Variants in TANC1 observed in about 807,000 individuals in gnomAD.
The protein encoded by TANC1 is tetratricopeptide repeat, ankyrin repeat and coiled-coil containing 1.
Under a neutral mutation model 149.7 loss-of-function variants are expected in TANC1, and 77 were observed. The observed-to-expected ratio is 0.51, with a 90% CI of 0.43 to 0.62. The LOEUF (loss-of-function observed/expected upper bound fraction) is 0.62. TANC1 is among the 20% of genes least tolerant of loss of function. The pLI is 0.00. For missense variants in TANC1, 1,985 were observed against 2,321.8 expected (o/e 0.85, Z 2.98); for synonymous variants, 854 against 925.0 (o/e 0.92, Z 1.39).
chr2:158,980,915 A>G (rs1279035932), intron 1 of TANC1, among the ~76,000 whole-genome samples: 2 of 152,148 alleles, frequency 1.3e-5, no homozygotes, highest in East Asian at 3.8e-4. Context: ...ATGTAGAAAA[A>G]TAATATCTCA....
chr2:159,149,876 G>C (rs1046288154), intron 6 of TANC1: 1 of 167,940 alleles, frequency 6.0e-6, no homozygotes, highest in Admixed American at 5.7e-5. Flanking sequence ...GTCATGCATT[G>C]ATTGAGACTG....
chr2:159,085,315 A>C (rs1196348813), intron 3 of TANC1, among the ~76,000 whole-genome samples: 3 of 152,164 alleles, frequency 2.0e-5, no homozygotes, highest in Non-Finnish European at 4.4e-5. Flanking sequence ...CAGAACGATG[A>C]GCTAAAGAAC....
chr2:159,210,672 T>G (rs1488142645), intron 19 of TANC1, among the ~76,000 whole-genome samples: 1 of 152,074 alleles, frequency 6.6e-6, no homozygotes, highest in African/African-American at 2.4e-5. Context: ...GTTCAAGTGA[T>G]TCTCCTGCCT....
Position 159,219,893 on chromosome 2 carries a change from C to T in TANC1, c.3678+26C>T, listed in dbSNP as rs781449516. 13 of 1,611,162 alleles carry T rather than the reference C, an allele frequency of 8.1e-6. No individual in the cohort carries two copies. In the Admixed American group the frequency reaches 2.2e-4, roughly 27 times the overall value. ...GTGAGTACCAGCAGGTGTTCCCCAC[C>T]TCCACCTGCATTGGAAAGAAACCCC... On this transcript the variant is annotated intron_variant, in intron 22 of 26. Coordinates refer to ENST00000263635, the MANE Select transcript of TANC1 (RefSeq NM_033394.3).
chr2:159,028,032 G>A lies in TANC1; in HGVS notation c.-16+26843G>A, dbSNP rs146011665. On this transcript the variant is annotated intron_variant, in intron 2 of 26. Coordinates refer to ENST00000263635, the MANE Select transcript of TANC1 (RefSeq NM_033394.3). ...CATCTCATCCTTATTTCCTCCCAAAGGCCTCACCTCCACTCCACATATGAA... is the reference window on the plus strand; with the variant it reads ...CATCTCATCCTTATTTCCTCCCAAAAGCCTCACCTCCACTCCACATATGAA... Among the ~76,000 whole-genome samples the A allele has an allele frequency of 7.8e-4, 118 of 152,206 alleles. 2 individuals are homozygous for A. The East Asian group carries it at 0.018, about 23-fold the overall frequency.
chr2:159,155,181 T>C (rs2053290246), intron 7 of TANC1, among the ~76,000 whole-genome samples: 1 of 152,194 alleles, frequency 6.6e-6, no homozygotes, highest in East Asian at 1.9e-4. Flanking sequence ...TTTAAGTGTG[T>C]ATATTAGTTT....
chr2:159,025,212 T>A (rs1392335289), intron 2 of TANC1, among the ~76,000 whole-genome samples: 1 of 148,900 alleles, frequency 6.7e-6, no homozygotes, highest in Non-Finnish European at 1.5e-5. Context: ...TTTCTTTCTT[T>A]CTTTCTTTCT....
chr2:159,046,135 G>A (rs538107098), intron 2 of TANC1, among the ~76,000 whole-genome samples: 1 of 151,784 alleles, frequency 6.6e-6, no homozygotes, highest in South Asian at 2.1e-4. Context: ...GTTTTCGTTT[G>A]GCAGAGAATT....
chr2:159,085,303 T>G (rs918296310), intron 3 of TANC1, among the ~76,000 whole-genome samples: 1 of 152,190 alleles, frequency 6.6e-6, no homozygotes, highest in Admixed American at 6.5e-5. Context: ...CTTCTCAGCC[T>G]GCAGAACGAT....
intron 2 of TANC1, among the ~76,000 whole-genome samples, chr2:159,047,089 T>A (rs1481589497): frequency 6.6e-6 from 1 of 152,026 alleles, no homozygotes; most frequent in Non-Finnish European, 1.5e-5. Flanking sequence ...ACCCCCCAGG[T>A]CTCTCTGAAT....
rs751829347 is a variant in TANC1, at chr2:159,219,187, G to T, written c.3379-51G>T. The T allele has an allele frequency of 3.1e-6, 5 of 1,611,330 alleles. No individual in the cohort carries two copies. The African/African-American group carries it at 6.7e-5, about 22-fold the overall frequency. On this transcript the variant is annotated intron_variant, in intron 20 of 26. Coordinates refer to ENST00000263635, the MANE Select transcript of TANC1 (RefSeq NM_033394.3). ...TGAGAAACCTGCCTGGGTATAGCAG[G>T]TGTGGTGGAAAATGCAGCAGGAGGA...
chr2:159,087,854 T>A (rs2045099115), intron 3 of TANC1, among the ~76,000 whole-genome samples: 1 of 148,936 alleles, frequency 6.7e-6, no homozygotes, highest in Non-Finnish European at 1.5e-5. Flanking sequence ...CACGCTAGGT[T>A]AGGGTGGGTC....
chr2:159,067,355 C>G (rs1247984627), intron 3 of TANC1, among the ~76,000 whole-genome samples: 1 of 152,162 alleles, frequency 6.6e-6, no homozygotes, highest in Non-Finnish European at 1.5e-5. Context: ...TCATCAATGC[C>G]TGGGTGAGCA....
At chr2:159,099,279 C>T (rs1460462988) in intron 4 of TANC1, among the ~76,000 whole-genome samples, 2 of 152,108 alleles carry the variant, frequency 1.3e-5, no homozygotes, top group East Asian at 3.9e-4. Flanking sequence ...TGGGGAAGTT[C>T]CTGGAATGTC....
chr2:159,168,957 A>G (rs2054894363), intron 8 of TANC1, among the ~76,000 whole-genome samples: 2 of 152,194 alleles, frequency 1.3e-5, no homozygotes, highest in Admixed American at 1.3e-4. Flanking sequence ...CATGATTGTC[A>G]GATTTCCTCA....
At chr2:159,045,509 G>T (rs1034599189) in intron 2 of TANC1, among the ~76,000 whole-genome samples, 1 of 152,106 alleles carries the variant, frequency 6.6e-6, no homozygotes, top group African/African-American at 2.4e-5. Flanking sequence ...AAGATCCGAA[G>T]AAATTGTCTG....
rs73969451 is a variant in TANC1 at position 159,121,171 on chromosome 2, G to A, written c.260-15023G>A. 7.0e-3 allele frequency among the ~76,000 whole-genome samples: 1,068 copies of A among 152,282 alleles called. 8 individuals carry two copies. The highest frequency in any genetic ancestry group is 0.024 in the African/African-American group (1,004 of 41,552). On this transcript the variant is annotated intron_variant, in intron 4 of 26. Transcript: ENST00000263635. ...AAGAAGGAAAGAGAAGAGCAAAATG[G>A]GGTTTCTCCCAGCTGGCTCATCTTT... is the stretch of plus-strand genomic sequence containing the variant.
rs529950604 is a variant in TANC1 at position 159,228,733 on chromosome 2, A to G, written c.4051-63A>G. The G allele has an allele frequency of 8.3e-5, 102 of 1,223,510 alleles. No homozygotes were observed. In the East Asian group the frequency reaches 1.1e-3, roughly 13 times the overall value. 75.8% of individuals were successfully genotyped at this position (1,223,510 alleles called of 1,614,324 possible). Reference sequence around the variant, plus strand: ...CTGCTACCCTTTAGAACAAAACTAGACGGGCTTCCCACAATCGTGTGTCCA... The same window carrying G: ...CTGCTACCCTTTAGAACAAAACTAGGCGGGCTTCCCACAATCGTGTGTCCA... On this transcript the variant is annotated intron_variant, in intron 25 of 26. Coordinates refer to ENST00000263635, the MANE Select transcript of TANC1 (RefSeq NM_033394.3).
At chr2:159,131,620 T>C (rs2050116828) in intron 4 of TANC1, among the ~76,000 whole-genome samples, 1 of 151,094 alleles carries the variant, frequency 6.6e-6, no homozygotes, top group African/African-American at 2.4e-5. Flanking sequence ...TTCTGGCCAG[T>C]GGCTCTTTCT....
Sources: allele counts gnomAD v4.1 joint callset (sites outside exome capture counted in the v4.1 genomes callset), GRCh38; gene constraint gnomAD v4.1.1; transcripts MANE v1.5; gene names NCBI Gene and HGNC (gene_info 2026-07-23, HGNC 2026-07-21).